Variants in TLL1 observed in about 807,000 individuals in gnomAD.
TLL1 encodes the protein tolloid like 1.
TLL1 carries 49 observed loss-of-function variants against 128.2 expected under a neutral mutation model. The ratio of observed to expected loss-of-function variants is 0.38; its 90% CI spans 0.30 to 0.48. TLL1 has a LOEUF of 0.48. Among genes scored for constraint, TLL1 ranks in the 20% least tolerant of loss-of-function variants. TLL1 has a pLI of 0.96. For missense variants in TLL1, 1,123 were observed against 1,242.0 expected, an observed-to-expected ratio of 0.90 and a Z score of 1.44; for synonymous variants, 454 against 418.8, an observed-to-expected ratio of 1.08 and a Z score of -1.03.
At chr4:166,030,340 T>C (rs1738706611) in intron 9 of TLL1, 1 of 403,202 alleles carries the variant, frequency 2.5e-6, no homozygotes, top group Non-Finnish European at 4.4e-6. Context: ...CTTTTGCCTA[T>C]GTTTAAATCA....
rs1309885571 is a variant in TLL1 at position 166,042,130 on chromosome 4, A to G, written c.1365A>G (p.Ala455=). The change falls in exon 11 of 21, where the codon GCA becomes GCG. Residue 455 remains alanine, a synonymous_variant. Transcript: ENST00000061240. ...SSSNWVGKGF[A]AVYEAICGGE... ...GTAATTGGGTAGGAAAAGGCTTTGC[A>G]GCTGTCTATGAAGGTAAGTCACATT... 2 of 1,608,940 alleles carry G rather than the reference A, an allele frequency of 1.2e-6. No homozygotes were observed. Among genetic ancestry groups the G allele is most frequent in the Admixed American group, 3.3e-5 (2 of 59,960 alleles).
At chr4:165,887,357 A>G (rs1731209418) in intron 1 of TLL1, among the ~76,000 whole-genome samples, 1 of 152,104 alleles carries the variant, frequency 6.6e-6, no homozygotes, top group South Asian at 2.1e-4. Context: ...TAGCCACAGA[A>G]AAGAGGGATT....
chr4:165,949,283 A>G (rs1460470748), intron 1 of TLL1, among the ~76,000 whole-genome samples: 1 of 152,014 alleles, frequency 6.6e-6, no homozygotes, highest in East Asian at 1.9e-4. Flanking sequence ...AAGGAACTGA[A>G]TTTTTTGAAT....
intron 1 of TLL1, among the ~76,000 whole-genome samples, chr4:165,974,150 TTTTTTTTTG>T (rs1735764897): frequency 8.8e-6 from 1 of 113,224 alleles, no homozygotes; most frequent in East Asian, 2.2e-4. Flanking sequence ...TTTTTTTTTT[TTTTTTTTTG>T]AGACGGAGTC....
chr4:165,986,532 T>C (rs1034584782), intron 1 of TLL1, among the ~76,000 whole-genome samples: 2 of 152,076 alleles, frequency 1.3e-5, no homozygotes, highest in Non-Finnish European at 2.9e-5. Context: ...TATTGCTTTC[T>C]CTCAAAGAAA....
chr4:165,981,157 TC>T (rs913950292), intron 1 of TLL1, among the ~76,000 whole-genome samples: 1 of 151,974 alleles, frequency 6.6e-6, no homozygotes, highest in Admixed American at 6.6e-5. Context: ...AGAGTTTTTT[TC>T]CCCCATGGTT....
At chr4:165,974,210 G>A (rs1168108586) in intron 1 of TLL1, among the ~76,000 whole-genome samples, 2 of 115,248 alleles carry the variant, frequency 1.7e-5, no homozygotes, top group African/African-American at 5.4e-5. Flanking sequence ...GCGGGATCTC[G>A]GCTCACTGCA....
At chr4:166,070,559 A>G (rs1159868884) in intron 16 of TLL1, among the ~76,000 whole-genome samples, 2 of 151,926 alleles carry the variant, frequency 1.3e-5, no homozygotes, top group Non-Finnish European at 2.9e-5. Context: ...GGAAAAATCT[A>G]TTAGGAATGT....
intron 19 of TLL1, among the ~76,000 whole-genome samples, chr4:166,098,334 CAAAAAAAAAA>C (rs3047106): frequency 1.8e-5 from 2 of 110,400 alleles, no homozygotes; most frequent in East Asian, 6.2e-4. Context: ...GAGTTCTTCT[CAAAAAAAAAA>C]AAAAAAAAAA....
intron 1 of TLL1, among the ~76,000 whole-genome samples, chr4:165,987,905 G>T (rs558327071): frequency 6.6e-6 from 1 of 152,090 alleles, no homozygotes; most frequent in African/African-American, 2.4e-5. Context: ...GAAAAGCATG[G>T]ATTTTGTCAC....
chr4:165,910,297 C>T (rs1235521548), intron 1 of TLL1, among the ~76,000 whole-genome samples: 1 of 152,102 alleles, frequency 6.6e-6, no homozygotes, highest in Non-Finnish European at 1.5e-5. Flanking sequence ...TTAGAGGGGG[C>T]AACAAATGGA....
chr4:165,959,046 G>A (rs1297144859), intron 1 of TLL1, among the ~76,000 whole-genome samples: 1 of 144,784 alleles, frequency 6.9e-6, no homozygotes. Flanking sequence ...ATTTCTGAGG[G>A]CTCTGTTCTG....
intron 1 of TLL1, among the ~76,000 whole-genome samples, chr4:165,882,731 G>C (rs560329389): frequency 6.6e-6 from 1 of 152,174 alleles, no homozygotes; most frequent in East Asian, 2.0e-4. Flanking sequence ...GGATTCTCCT[G>C]CCTTAGCCTC....
chr4:165,992,696 A>G (rs1736701297), intron 2 of TLL1, 108 bp from the exon 3 acceptor site: 1 of 994,210 alleles, frequency 1.0e-6, no homozygotes, highest in South Asian at 1.3e-5. Flanking sequence ...ACACTTTAAG[A>G]CCACATAAAA....
intron 1 of TLL1, among the ~76,000 whole-genome samples, chr4:165,883,917 C>T (rs79469558): frequency 9.2e-5 from 14 of 152,250 alleles, no homozygotes; most frequent in South Asian, 8.3e-4. Flanking sequence ...TTTCAATTCA[C>T]GTTGACTAAA....
chr4:165,895,519 A>G (rs1353025805), intron 1 of TLL1, among the ~76,000 whole-genome samples: 1 of 151,782 alleles, frequency 6.6e-6, no homozygotes, highest in African/African-American at 2.4e-5. Context: ...ATGGGAAGAT[A>G]CACTTTGTTC....
intron 9 of TLL1, among the ~76,000 whole-genome samples, chr4:166,026,349 C>T (rs1031311607): frequency 6.6e-6 from 1 of 151,472 alleles, no homozygotes; most frequent in African/African-American, 2.4e-5. Context: ...AATCCCATAC[C>T]ACCACTGCAC....
intron 1 of TLL1, among the ~76,000 whole-genome samples, chr4:165,972,289 G>C (rs1268857855): frequency 6.6e-6 from 1 of 152,152 alleles, no homozygotes; most frequent in Non-Finnish European, 1.5e-5. Flanking sequence ...CAATGACCCT[G>C]TTTCCAACAG....
At chr4:165,884,320 A>T (rs530162839) in intron 1 of TLL1, among the ~76,000 whole-genome samples, 1 of 152,342 alleles carries the variant, frequency 6.6e-6, no homozygotes, top group East Asian at 1.9e-4. Flanking sequence ...ATGTGTTCTT[A>T]TACATTTTTG....
Sources: gnomAD v4.1 joint callset for allele counts (sites outside exome capture counted in the v4.1 genomes callset) on GRCh38, gnomAD v4.1.1 for gene constraint, MANE v1.5 for transcripts, NCBI Gene and HGNC (gene_info 2026-07-23, HGNC 2026-07-21) for gene names.